SWT1: variants seen among roughly 807,000 people sequenced by gnomAD.
The protein encoded by SWT1 is transcriptional protein SWT1.
A neutral mutation model predicts 107.3 loss-of-function variants in SWT1; 33 were observed. The ratio of observed to expected loss-of-function variants is 0.31; its 90% CI spans 0.23 to 0.41. The LOEUF (loss-of-function observed/expected upper bound fraction) is 0.41. Among genes scored for constraint, SWT1 ranks in the 10% least tolerant of loss-of-function variants. The pLI is 1.00. For synonymous variants in SWT1, 345 were observed against 348.3 expected (o/e 0.99, Z 0.11); for missense variants, 898 against 1,028.9 (o/e 0.87, Z 1.74).
chr1:185,240,574 T>C (rs1329006343), intron 16 of SWT1, among the ~76,000 whole-genome samples: 2 of 152,136 alleles, frequency 1.3e-5, no homozygotes, highest in Admixed American at 1.3e-4. Context: ...AACCGTTGTG[T>C]TTGGACATAA....
Position 185,182,053 on chromosome 1 carries a change from C to G in SWT1, c.1134C>G (p.Ser378=). The G allele has an allele frequency of 6.2e-7, 1 of 1,613,612 alleles. No homozygotes were observed. Among genetic ancestry groups the G allele is most frequent in the Non-Finnish European group, 8.5e-7 (1 of 1,179,648 alleles). ...EIDLEDDVHS[S]SANNTSDRKL... ...ACTTAGAAGATGATGTACATTCCTC[C>G]TCTGGTATACCCTATATGTTGATGT... Residue 378 remains serine, a synonymous_variant, in exon 7 of 19, where the codon TCC becomes TCG. Transcript: ENST00000367500.
At chr1:185,220,435 A>G (rs567269696) in intron 14 of SWT1, among the ~76,000 whole-genome samples, 2 of 151,954 alleles carry the variant, frequency 1.3e-5, no homozygotes, top group Admixed American at 1.3e-4. Flanking sequence ...GGTGGTGTCT[A>G]TCCTTTCTTT....
intron 3 of SWT1, among the ~76,000 whole-genome samples, chr1:185,167,543 A>G (rs1654688967): frequency 6.6e-6 from 1 of 152,118 alleles, no homozygotes; most frequent in Non-Finnish European, 1.5e-5. Flanking sequence ...GTTTCTATTT[A>G]TTTTTGCAAT....
intron 10 of SWT1, among the ~76,000 whole-genome samples, chr1:185,191,385 GT>G (rs924193909): frequency 1.5e-4 from 22 of 151,472 alleles, no homozygotes; most frequent in Non-Finnish European, 2.4e-4. Context: ...TTAATTTGCA[GT>G]TTTTTTTTAA....
chr1:185,225,612 C>A (rs1354517269), intron 15 of SWT1, among the ~76,000 whole-genome samples: 2 of 152,118 alleles, frequency 1.3e-5, no homozygotes, highest in African/African-American at 4.8e-5. Context: ...GTTACAACTG[C>A]CTGCAGTATT....
chr1:185,201,342 C>T (rs6670117), intron 10 of SWT1, among the ~76,000 whole-genome samples: 55,065 of 151,870 alleles, frequency 0.36, 10,161 homozygotes, highest in African/African-American at 0.4. Context: ...CCTAAATGGC[C>T]GCCCAGTTTT....
chr1:185,179,737 T>A (rs147153732), intron 5 of SWT1, among the ~76,000 whole-genome samples: 290 of 152,312 alleles, frequency 1.9e-3, no homozygotes, highest in African/African-American at 6.6e-3. Flanking sequence ...ATTCTTAGAA[T>A]ATAGTATTTT....
chr1:185,254,863 T>G (rs1450179630), intron 16 of SWT1, among the ~76,000 whole-genome samples: 2 of 152,080 alleles, frequency 1.3e-5, no homozygotes, highest in African/African-American at 2.4e-5. Context: ...TTCTTTTAAT[T>G]GTGATGTTAG....
intron 13 of SWT1, among the ~76,000 whole-genome samples, chr1:185,211,183 A>G (rs994613546): frequency 3.3e-5 from 5 of 152,170 alleles, no homozygotes; most frequent in Non-Finnish European, 7.3e-5. Flanking sequence ...ACAGAATTGG[A>G]AAAAAATACT....
At chr1:185,214,775 C>A in intron 14 of SWT1, 120 bp downstream of exon 14, 1 of 782,620 alleles carries the variant, frequency 1.3e-6, no homozygotes, top group Non-Finnish European at 1.9e-6. Context: ...ATACTAAAGG[C>A]GTTAAGTAAA....
At chr1:185,206,942 A>T (rs1419284035) in intron 13 of SWT1, among the ~76,000 whole-genome samples, 179 bp downstream of exon 13, 1 of 152,198 alleles carries the variant, frequency 6.6e-6, no homozygotes, top group African/African-American at 2.4e-5. Context: ...TCATAGAGCT[A>T]TGTATTTGTG....
chr1:185,199,529 A>G (rs1657688570), intron 10 of SWT1, among the ~76,000 whole-genome samples: 1 of 152,182 alleles, frequency 6.6e-6, no homozygotes, highest in Non-Finnish European at 1.5e-5. Context: ...GCTGTATATG[A>G]AAGTCTGGTT....
At position 185,214,632 on chromosome 1, in the gene SWT1, A is replaced by G. The variant is rs761834623; in HGVS notation, c.2098A>G (p.Asn700Asp). 2.5e-6 allele frequency: 4 copies of G among 1,610,804 alleles called. No individual in the cohort carries two copies. The highest frequency in any genetic ancestry group is 3.4e-6 in the Non-Finnish European group (4 of 1,178,692). ...ILPQTFAQVN[N>D]LLQTFAEVKT... ...TCCACAGACCTTTGCTCAAGTAAAC[A>G]ACCTCCTTCAGACATTTGCAGAGGT... The change falls in exon 14 of 19, where the codon AAC (asparagine) becomes GAC (aspartate). Residue 700 changes from asparagine (N) to aspartate (D), a missense_variant. Around this residue, in one of 6 missense-constraint regions of SWT1, gnomAD observed 382 missense variants for 460.0 expected, o/e 0.83. Coordinates refer to ENST00000367500, the MANE Select transcript of SWT1 (RefSeq NM_017673.7).
intron 13 of SWT1, among the ~76,000 whole-genome samples, chr1:185,209,934 G>A (rs559798520): frequency 1.1e-3 from 170 of 152,218 alleles, no homozygotes; most frequent in African/African-American, 3.9e-3. Context: ...GTATGAGATG[G>A]TATCTCATTG....
rs570127788 is a variant in SWT1 at position 185,209,586 on chromosome 1, G to C, written c.1972+2823G>C. Among the ~76,000 whole-genome samples the C allele has an allele frequency of 1.3e-3, 198 of 152,266 alleles. 1 individual carries two copies. Among genetic ancestry groups the C allele is most frequent in the African/African-American group, 4.5e-3 (189 of 41,542 alleles). On this transcript the variant is annotated intron_variant, in intron 13 of 18. Coordinates refer to ENST00000367500, the MANE Select transcript of SWT1 (RefSeq NM_017673.7). The stretch of plus-strand genomic sequence containing the variant: ...TTTTTATGGCTGCATAGTATTCCAT[G>C]GTGTATATGTGCCACATTTTCTTTA...
intron 16 of SWT1, among the ~76,000 whole-genome samples, chr1:185,234,865 A>G (rs974218658): frequency 5.9e-5 from 9 of 152,092 alleles, no homozygotes; most frequent in African/African-American, 2.2e-4. Flanking sequence ...GCAATAAAAA[A>G]TGATAAAGGG....
intron 10 of SWT1, among the ~76,000 whole-genome samples, chr1:185,200,926 C>T (rs1657818264): frequency 6.6e-6 from 1 of 152,178 alleles, no homozygotes; most frequent in South Asian, 2.1e-4. Flanking sequence ...GGGCTGCTAC[C>T]TTTCTTTCAG....
intron 4 of SWT1, among the ~76,000 whole-genome samples, chr1:185,168,661 A>G (rs1160235039): frequency 6.6e-6 from 1 of 152,236 alleles, no homozygotes; most frequent in African/African-American, 2.4e-5. Context: ...ATTTTGGCAC[A>G]TGATTGTAAC....
intron 18 of SWT1, among the ~76,000 whole-genome samples, chr1:185,287,251 A>G (rs1228501917): frequency 1.3e-5 from 2 of 152,184 alleles, no homozygotes; most frequent in Admixed American, 1.3e-4. Flanking sequence ...ATTGTATGAT[A>G]AAATTTCTAG....
Sources: gnomAD v4.1 joint callset for allele counts (sites outside exome capture counted in the v4.1 genomes callset) on GRCh38, gnomAD v4.1.1 for gene constraint, gnomAD v4.1.1 regional missense constraint, MANE v1.5 for transcripts, NCBI Gene and HGNC (gene_info 2026-07-23, HGNC 2026-07-21) for gene names.